The following LGALS9 variants were observed in gnomAD, a reference collection of about 807,000 sequenced individuals.
LGALS9 encodes the protein galectin-9.
A neutral mutation model predicts 35.9 loss-of-function variants in LGALS9; 26 were observed. The observed-to-expected ratio is 0.72, with a 90% confidence interval of 0.53 to 1.01. The LOEUF is 1.01. LGALS9 is among the 50% of genes least tolerant of loss of function. The pLI is 0.00. For missense variants in LGALS9, 347 were observed against 445.8 expected (o/e 0.78, Z 1.99); for synonymous variants, 149 against 172.2 (o/e 0.87, Z 1.06).
Position 27,631,199 on chromosome 17 carries a change from C to T in LGALS9, c.-67C>T, listed in dbSNP as rs1241060896. The stretch of plus-strand genomic sequence containing the variant: ...TTTGGTTTCTATTTCTTTGTTAAGT[C>T]GTTCCCTCTACAAAGGACTTCCTAG... On this transcript the variant is annotated 5_prime_UTR_variant, in exon 1 of 11. Coordinates refer to ENST00000395473, the MANE Select transcript of LGALS9 (RefSeq NM_009587.3). 9 of 1,607,462 alleles carry T rather than the reference C, an allele frequency of 5.6e-6. No individual in the cohort carries two copies. Among genetic ancestry groups the T allele is most frequent in the South Asian group, 1.1e-5 (1 of 90,780 alleles).
chr17:27,640,732 C>T lies in LGALS9; in HGVS notation c.292C>T (p.Pro98Ser), dbSNP rs369758477. 42 of 1,614,092 alleles carry T rather than the reference C, an allele frequency of 2.6e-5. No homozygotes were observed. The highest frequency in any genetic ancestry group is 3.1e-5 in the Non-Finnish European group (37 of 1,180,050). Residue 98 changes from proline (P) to serine (S), a missense_variant, in exon 3 of 11, where the codon CCC (proline) becomes TCC (serine). Physicochemically the swap from Pro to Ser is moderately conservative, Grantham distance 74. Transcript: ENST00000395473. ...KTHMPFQKGM[P>S]FDLCFLVQSS... The stretch of plus-strand genomic sequence containing the variant: ...ACACATGCCTTTCCAGAAGGGGATG[C>T]CCTTTGACCTCTGCTTCCTGGTGCA...
intron 2 of LGALS9, chr17:27,638,841 G>C (rs1277706870): frequency 8.7e-6 from 2 of 230,278 alleles, no homozygotes; most frequent in Non-Finnish European, 1.7e-5. Flanking sequence ...TATCAGGGCT[G>C]TTTCCCACCC....
intron 1 of LGALS9, among the ~76,000 whole-genome samples, chr17:27,634,924 C>T (rs1301909759): frequency 6.6e-6 from 1 of 152,176 alleles, no homozygotes; most frequent in Admixed American, 6.5e-5. Flanking sequence ...ACTTCCCCCA[C>T]CCACTTTTTA....
At chr17:27,646,412 G>T (rs141682305) in intron 7 of LGALS9, 135 bp from the exon 8 acceptor site, 5 of 1,355,930 alleles carry the variant, frequency 3.7e-6, no homozygotes, top group Non-Finnish European at 4.2e-6. Flanking sequence ...GGAGGTAGAC[G>T]GGCGAGTCCA....
chr17:27,635,308 T>C (rs2074435670), intron 1 of LGALS9, among the ~76,000 whole-genome samples: 1 of 152,108 alleles, frequency 6.6e-6, no homozygotes, highest in Admixed American at 6.5e-5. Context: ...CATGGTGGCC[T>C]GCACCTATTT....
At position 27,647,051 on chromosome 17, in the gene LGALS9, A is replaced by G. The variant is rs775650519; in HGVS notation, c.691A>G (p.Ile231Val). Reference protein sequence around the residue: ...PAYPMPFITTILGGLYPSKSI... With the variant: ...PAYPMPFITTVLGGLYPSKSI... ...ACAGCCGATGCCTTTCATCACCACC[A>G]TTCTGGGAGGGCTGTACCCATCCAA... is the stretch of plus-strand genomic sequence containing the variant. Residue 231 changes from isoleucine to valine, a missense_variant, in exon 9 of 11, where the codon ATT (isoleucine) becomes GTT (valine). By Grantham distance (29) the Ile-to-Val change is conservative. Coordinates refer to ENST00000395473, the MANE Select transcript of LGALS9 (RefSeq NM_009587.3). 1.9e-6 allele frequency: 3 copies of G among 1,613,876 alleles called. No homozygotes were observed. The highest frequency in any genetic ancestry group is 2.5e-6 in the Non-Finnish European group (3 of 1,179,946).
At chr17:27,642,122 C>T (rs1904554235) in intron 3 of LGALS9, 116 bp from the exon 4 acceptor site, 1 of 1,510,600 alleles carries the variant, frequency 6.6e-7, no homozygotes, top group Non-Finnish European at 8.9e-7. Flanking sequence ...TAACTGGCCC[C>T]ACACTGAAGA....
intron 10 of LGALS9, among the ~76,000 whole-genome samples, chr17:27,648,273 C>T (rs976908854): frequency 1.3e-5 from 2 of 152,190 alleles, no homozygotes; most frequent in African/African-American, 2.4e-5. Context: ...GATTTGTAGA[C>T]AGCTGTGTGA....
intron 1 of LGALS9, among the ~76,000 whole-genome samples, chr17:27,634,482 G>A (rs1344225099): frequency 6.6e-5 from 10 of 152,158 alleles, no homozygotes; most frequent in African/African-American, 2.4e-4. Context: ...GCCTGAGGAA[G>A]TGGAGGCTAC....
chr17:27,645,778 T>C (rs1598188781), intron 6 of LGALS9, 83 bp from the exon 7 acceptor site: 1 of 1,113,566 alleles, frequency 9.0e-7, no homozygotes, highest in Non-Finnish European at 1.3e-6. Context: ...CCCTGGAGGG[T>C]GCCTGCCGTG....
chr17:27,634,470 G>A (rs754020200), intron 1 of LGALS9, among the ~76,000 whole-genome samples: 1 of 152,124 alleles, frequency 6.6e-6, no homozygotes, highest in Non-Finnish European at 1.5e-5. Context: ...AGGGTCACGT[G>A]AGCCTGAGGA....
chr17:27,645,157 C>T, intron 5 of LGALS9, 157 bp from the exon 6 acceptor site: 2 of 1,513,284 alleles, frequency 1.3e-6, no homozygotes, highest in Middle Eastern at 1.8e-4. Flanking sequence ...ATCTGGGTGC[C>T]ACGGGCTCAG....
At chr17:27,633,069 A>G (rs2151287876) in intron 1 of LGALS9, among the ~76,000 whole-genome samples, 2 of 152,324 alleles carry the variant, frequency 1.3e-5, no homozygotes, top group East Asian at 3.9e-4. Context: ...TCCAGGAAGC[A>G]CTGGGAGAGC....
rs142104993 is a variant in LGALS9, at chr17:27,644,960, A to G, written c.541-354A>G. The G allele has an allele frequency of 7.0e-3, 1,871 of 268,878 alleles. 36 individuals are homozygous for G. Among genetic ancestry groups the G allele is most frequent in the African/African-American group, 0.033 (1,464 of 44,518 alleles). 16.7% of individuals were successfully genotyped at this position (268,878 alleles called of 1,614,324 possible). On this transcript the variant is annotated intron_variant, in intron 5 of 10. Transcript: ENST00000395473. The stretch of plus-strand genomic sequence containing the variant: ...ACTGAAGCCCAGGAATCGACCCACA[A>G]TAGGCCTTCAACAAATACCACTTCT...
chr17:27,640,300 A>G (rs1904366742), intron 2 of LGALS9: 2 of 515,202 alleles, frequency 3.9e-6, no homozygotes, highest in Admixed American at 3.3e-5. Flanking sequence ...TCCAAGACCT[A>G]TGTTTCTTGT....
Position 27,643,059 on chromosome 17 carries a change from A to G in LGALS9, c.445-466A>G, listed in dbSNP as rs564524129. ...CTCCAAAAAACTTTGTTTAAATAATAAAATAAAATAAATAAAACTAAATAA... is the reference window on the plus strand; with the variant it reads ...CTCCAAAAAACTTTGTTTAAATAATGAAATAAAATAAATAAAACTAAATAA... On this transcript the variant is annotated intron_variant, in intron 4 of 10. Transcript: ENST00000395473. Among the ~76,000 whole-genome samples, 4 of 152,316 alleles carry G rather than the reference A, an allele frequency of 2.6e-5. No individual in the cohort carries two copies. The South Asian group carries it at 6.2e-4, about 24-fold the overall frequency.
At chr17:27,642,196 G>T (rs755755660) in intron 3 of LGALS9, 42 bp from the exon 4 acceptor site, 1 of 1,561,424 alleles carries the variant, frequency 6.4e-7, no homozygotes, top group Admixed American at 1.8e-5. Flanking sequence ...CCCCATCCCA[G>T]CCTGGGATGC....
chr17:27,645,910 C>T lies in LGALS9; in HGVS notation c.626C>T (p.Ser209Phe). ...CAGAGCGCCCCTGGACAGATGTTCT[C>T]TGTAAGTCTACAAGTTCTGGTCAGT... ...TVQSAPGQMF[S>F]TPAIPPMMYP... is the part of the protein sequence containing the mutation. Residue 209 changes from serine (S) to phenylalanine (F), a missense_variant and splice_region_variant, in exon 7 of 11, where the codon TCT (serine) becomes TTT (phenylalanine). Transcript: ENST00000395473. 6.2e-7 allele frequency: 1 copy of T among 1,601,410 alleles called. No individual in the cohort carries two copies.
At chr17:27,639,811 A>T (rs1904338691) in intron 2 of LGALS9, among the ~76,000 whole-genome samples, 1 of 152,136 alleles carries the variant, frequency 6.6e-6, no homozygotes, top group Non-Finnish European at 1.5e-5. Flanking sequence ...ATCTGGGCTC[A>T]CTACAACCTC....
Sources: gnomAD v4.1 joint callset for allele counts (sites outside exome capture counted in the v4.1 genomes callset) on GRCh38, gnomAD v4.1.1 for gene constraint, MANE v1.5 for transcripts, NCBI Gene and HGNC (gene_info 2026-07-23, HGNC 2026-07-21) for gene names.